Variants in FGGY observed in about 807,000 individuals in gnomAD.
FGGY encodes the protein FGGY carbohydrate kinase domain containing.
Under a neutral mutation model 71.3 loss-of-function variants are expected in FGGY, and 72 were observed. The observed-to-expected ratio is 1.01, with a 90% CI of 0.84 to 1.23. FGGY has a LOEUF of 1.23. Among genes scored for constraint, FGGY ranks in the 50% most tolerant of loss-of-function variants. The probability of loss-of-function intolerance (pLI) is 0.00; values close to 1 mark genes in which losing one functional copy is unlikely to be tolerated. For missense variants in FGGY, 668 were observed against 682.3 expected (o/e 0.98, Z 0.23); for synonymous variants, 251 against 250.3 (o/e 1.00, Z -0.02).
intron 14 of FGGY, among the ~76,000 whole-genome samples, chr1:59,701,527 A>T (rs746985831): frequency 2.0e-5 from 3 of 152,192 alleles, no homozygotes; most frequent in Non-Finnish European, 4.4e-5. Context: ...CAAGAAAGAT[A>T]CAGTCCCTGC....
chr1:59,337,234 A>G (rs1171301687), intron 2 of FGGY, among the ~76,000 whole-genome samples: 1 of 152,082 alleles, frequency 6.6e-6, no homozygotes, highest in African/African-American at 2.4e-5. Flanking sequence ...CTGAGGGTGA[A>G]GGCCTGAGAG....
intron 8 of FGGY, among the ~76,000 whole-genome samples, chr1:59,585,040 A>G (rs1465654677): frequency 1.3e-5 from 2 of 152,200 alleles, no homozygotes; most frequent in Admixed American, 6.5e-5. Flanking sequence ...AAATGGAAGA[A>G]CATTCCATGC....
intron 6 of FGGY, among the ~76,000 whole-genome samples, chr1:59,476,927 TAGG>T (rs1371041770): frequency 2.0e-5 from 3 of 152,232 alleles, no homozygotes; most frequent in African/African-American, 7.2e-5. Flanking sequence ...TCTGAAATTC[TAGG>T]AGAAGAATAA....
intron 7 of FGGY, among the ~76,000 whole-genome samples, chr1:59,537,712 T>G (rs1440203959): frequency 6.6e-6 from 1 of 151,876 alleles, no homozygotes. Context: ...AACTATCTGA[T>G]CTTTGACAAA....
chr1:59,559,544 A>T (rs2095751553), intron 8 of FGGY, among the ~76,000 whole-genome samples: 1 of 152,222 alleles, frequency 6.6e-6, no homozygotes, highest in South Asian at 2.1e-4. Context: ...AGAAATAAGG[A>T]TACCTCAAGA....
At chr1:59,543,057 AG>A (rs1338265294) in intron 7 of FGGY, among the ~76,000 whole-genome samples, 1 of 152,184 alleles carries the variant, frequency 6.6e-6, no homozygotes, top group East Asian at 1.9e-4. Flanking sequence ...TTTCAACTGC[AG>A]GTTTTGAAAA....
chr1:59,313,192 A>G (rs1011760513), intron 1 of FGGY, among the ~76,000 whole-genome samples: 9 of 152,236 alleles, frequency 5.9e-5, no homozygotes, highest in Non-Finnish European at 1.3e-4. Flanking sequence ...GAGGATACTA[A>G]TCCCGTTCAT....
At chr1:59,707,251 G>A (rs1377697850) in intron 14 of FGGY, among the ~76,000 whole-genome samples, 2 of 152,188 alleles carry the variant, frequency 1.3e-5, no homozygotes, top group African/African-American at 2.4e-5. Flanking sequence ...GAGCTGGAGA[G>A]GTTAAGTGAC....
chr1:59,659,194 T>C (rs2097251642), intron 11 of FGGY, among the ~76,000 whole-genome samples: 1 of 152,006 alleles, frequency 6.6e-6, no homozygotes, highest in Non-Finnish European at 1.5e-5. Flanking sequence ...AAAGCAAGAC[T>C]CTGTCTCAAA....
chr1:59,450,045 G>A (rs1323912047), intron 5 of FGGY, among the ~76,000 whole-genome samples: 2 of 152,066 alleles, frequency 1.3e-5, no homozygotes, highest in Non-Finnish European at 2.9e-5. Flanking sequence ...CTCTGCCTTC[G>A]CACTGGAGAT....
At chr1:59,397,350 G>T (rs969340497) in intron 5 of FGGY, among the ~76,000 whole-genome samples, 6 of 152,164 alleles carry the variant, frequency 3.9e-5, no homozygotes. Flanking sequence ...ATATTAGTCT[G>T]ATTTACTAAA....
intron 1 of FGGY, among the ~76,000 whole-genome samples, chr1:59,308,529 T>C (rs2153089358): frequency 6.6e-6 from 1 of 152,334 alleles, no homozygotes; most frequent in Non-Finnish European, 1.5e-5. Flanking sequence ...TGAAATCTTT[T>C]ATGATAGGTC....
chr1:59,644,260 G>T (rs1328018325), intron 11 of FGGY, among the ~76,000 whole-genome samples: 1 of 152,154 alleles, frequency 6.6e-6, no homozygotes. Context: ...GTAGGAACAG[G>T]ACATAACCCA....
At chr1:59,436,599 G>A (rs1371227558) in intron 5 of FGGY, among the ~76,000 whole-genome samples, 1 of 152,182 alleles carries the variant, frequency 6.6e-6, no homozygotes, top group Non-Finnish European at 1.5e-5. Flanking sequence ...ATAAATTGCT[G>A]GATGAATGAA....
chr1:59,397,375 TCAGATAA>T (rs1232038526), intron 5 of FGGY, among the ~76,000 whole-genome samples: 1 of 152,304 alleles, frequency 6.6e-6, no homozygotes, highest in East Asian at 1.9e-4. Flanking sequence ...AAGAGCAGGT[TCAGATAA>T]CAAACAACAT....
At chr1:59,695,906 T>G (rs968509211) in intron 14 of FGGY, among the ~76,000 whole-genome samples, 5 of 152,228 alleles carry the variant, frequency 3.3e-5, no homozygotes, top group African/African-American at 1.2e-4. Flanking sequence ...GTGGGTTTTT[T>G]TTTTATATAT....
intron 8 of FGGY, among the ~76,000 whole-genome samples, chr1:59,585,788 A>G (rs1036601115): frequency 1.3e-5 from 2 of 152,240 alleles, no homozygotes; most frequent in Admixed American, 6.5e-5. Context: ...AAGGGCTAAT[A>G]TCCAGAATCT....
intron 4 of FGGY, among the ~76,000 whole-genome samples, chr1:59,373,444 A>G (rs140375651): frequency 0.031 from 4,721 of 152,160 alleles, 97 homozygotes; most frequent in East Asian, 0.057. Context: ...ATGCTCATGG[A>G]TAGGAAGAAT....
intron 8 of FGGY, among the ~76,000 whole-genome samples, chr1:59,585,438 A>T (rs1281366182): frequency 6.6e-6 from 1 of 152,244 alleles, no homozygotes; most frequent in Non-Finnish European, 1.5e-5. Flanking sequence ...CCTGTTTAAT[A>T]AATGGTGCTG....
Sources: gnomAD v4.1 joint callset for allele counts (sites outside exome capture counted in the v4.1 genomes callset) on GRCh38, gnomAD v4.1.1 for gene constraint, MANE v1.5 for transcripts, NCBI Gene and HGNC (gene_info 2026-07-23, HGNC 2026-07-21) for gene names.